Variants in RPS6KA2 observed in about 807,000 individuals in gnomAD.
The protein encoded by RPS6KA2 is ribosomal protein S6 kinase A2, also known as ribosomal protein S6 kinase alpha-2.
RPS6KA2 carries 42 observed loss-of-function variants against 91.8 expected under a neutral mutation model. That is an observed-to-expected ratio of 0.46 (90% confidence interval 0.36 to 0.59). RPS6KA2 has a LOEUF of 0.59. Ranked by LOEUF, RPS6KA2 falls within the 20% of genes least tolerant of loss-of-function variation. RPS6KA2 has a pLI of 0.00. For missense variants in RPS6KA2, 798 were observed against 978.5 expected (o/e 0.82, Z 2.46); for synonymous variants, 414 against 393.6 (o/e 1.05, Z -0.61).
At chr6:166,861,027 G>A (rs948569103) in intron 1 of RPS6KA2, among the ~76,000 whole-genome samples, 1 of 152,264 alleles carries the variant, frequency 6.6e-6, no homozygotes, top group East Asian at 1.9e-4. Flanking sequence ...TTCAATGTCC[G>A]TGCTATGCCC....
intron 14 of RPS6KA2, among the ~76,000 whole-genome samples, chr6:166,441,941 T>C (rs1779531171): frequency 6.6e-6 from 1 of 152,216 alleles, no homozygotes. Flanking sequence ...GCACTGTGCC[T>C]TTGGAGGTGA....
At position 166,659,768 on chromosome 6, in the gene RPS6KA2, C is replaced by T. The variant is rs1340883009; in HGVS notation, c.124-120984G>A. ...CGTCCTTTGCCCAGGCTGGCCCTGCCGCCGTACAGCTCTAGCACCGACTGC... is the reference window on the plus strand; with the variant it reads ...CGTCCTTTGCCCAGGCTGGCCCTGCTGCCGTACAGCTCTAGCACCGACTGC... On this transcript the variant is annotated intron_variant, in intron 2 of 21. Transcript: ENST00000503859. Among the ~76,000 whole-genome samples, 6 of 152,152 alleles carry T rather than the reference C, an allele frequency of 3.9e-5. No homozygotes were observed. In the East Asian group the frequency reaches 5.8e-4, roughly 15 times the overall value.
At chr6:166,629,577 C>A (rs1306338804), upstream of RPS6KA2, among the ~76,000 whole-genome samples, 1 of 152,192 alleles carries the variant, frequency 6.6e-6, no homozygotes, top group Non-Finnish European at 1.5e-5. Flanking sequence ...GTAATGAAAT[C>A]CTCCAAAACC....
intron 1 of RPS6KA2, among the ~76,000 whole-genome samples, chr6:166,621,420 A>C (rs1786630385): frequency 6.6e-6 from 1 of 152,228 alleles, no homozygotes; most frequent in African/African-American, 2.4e-5. Context: ...ACAGTATTTC[A>C]TATGGAATAT....
rs535209663 is a variant in RPS6KA2, at chr6:166,538,654, A to G, written c.216+14T>C. 2.8e-6 allele frequency: 4 copies of G among 1,413,854 alleles called. No homozygotes were observed. Among genetic ancestry groups the G allele is most frequent in the Non-Finnish European group, 4.0e-6 (4 of 998,320 alleles). The allele number at this position is 1,413,854 out of a possible 1,614,324, so 87.6% of individuals were successfully genotyped here. ...CAGGAATGAGACTCAAGAGACAGCC[A>G]GGGCTGAACTTACCTTTCCATAGGA... is the stretch of plus-strand genomic sequence containing the variant. On this transcript the variant is annotated intron_variant, in intron 2 of 20. Transcript: ENST00000265678.
chr6:166,417,108 G>A (rs1305319401), intron 19 of RPS6KA2, among the ~76,000 whole-genome samples: 9 of 152,182 alleles, frequency 5.9e-5, no homozygotes, highest in African/African-American at 1.4e-4. Context: ...GTAAAAAAGC[G>A]TCTGATGGGC....
chr6:166,780,511 G>GT (rs1280346900), intron 2 of RPS6KA2, among the ~76,000 whole-genome samples: 2 of 152,158 alleles, frequency 1.3e-5, no homozygotes, highest in African/African-American at 4.8e-5. Flanking sequence ...AACCTCTATT[G>GT]TTTAAGTCGC....
chr6:166,586,108 G>T (rs1277784787), intron 1 of RPS6KA2: 62 of 1,372,420 alleles, frequency 4.5e-5, no homozygotes, highest in Non-Finnish European at 5.9e-5. Flanking sequence ...ACTAAAAGCT[G>T]CCAACATTTC....
At chr6:166,764,748 C>T (rs1778263467) in intron 2 of RPS6KA2, among the ~76,000 whole-genome samples, 1 of 152,232 alleles carries the variant, frequency 6.6e-6, no homozygotes, top group Non-Finnish European at 1.5e-5. Flanking sequence ...GAAGACGCGC[C>T]ACAGGGACTG....
chr6:166,581,221 T>A (rs1784998437), intron 1 of RPS6KA2, among the ~76,000 whole-genome samples: 1 of 152,138 alleles, frequency 6.6e-6, no homozygotes, highest in Non-Finnish European at 1.5e-5. Flanking sequence ...TGCACATACA[T>A]ATTGTCTATG....
intron 3 of RPS6KA2, among the ~76,000 whole-genome samples, chr6:166,517,246 A>G (rs1242854384): frequency 6.6e-6 from 1 of 151,678 alleles, no homozygotes; most frequent in Non-Finnish European, 1.5e-5. Context: ...TGTAATCCCA[A>G]CATTTTGGGA....
intron 3 of RPS6KA2, among the ~76,000 whole-genome samples, chr6:166,516,038 A>G (rs1305440384): frequency 6.6e-6 from 1 of 152,198 alleles, no homozygotes; most frequent in East Asian, 1.9e-4. Flanking sequence ...TTGATGTCTT[A>G]TGTCTCCCTA....
At chr6:166,527,317 C>T (rs2128490369) in intron 3 of RPS6KA2, among the ~76,000 whole-genome samples, 1 of 152,310 alleles carries the variant, frequency 6.6e-6, no homozygotes, top group South Asian at 2.1e-4. Flanking sequence ...AAAAGGAGCT[C>T]TTCCGGGTCA....
intron 2 of RPS6KA2, among the ~76,000 whole-genome samples, chr6:166,661,869 A>G (rs780013384): frequency 6.6e-6 from 1 of 152,162 alleles, no homozygotes; most frequent in Non-Finnish European, 1.5e-5. Context: ...GTTTTCGAGT[A>G]CACTATGAAG....
intron 1 of RPS6KA2, among the ~76,000 whole-genome samples, chr6:166,559,647 C>T (rs374890605): frequency 5.9e-5 from 9 of 152,060 alleles, no homozygotes; most frequent in Non-Finnish European, 1.0e-4. Flanking sequence ...ATCCAGAATC[C>T]GAATTGAGTA....
rs1789992625 is a variant in RPS6KA2, at chr6:166,715,792, C to T, written c.123+142408G>A. Among the ~76,000 whole-genome samples the T allele has an allele frequency of 2.6e-5, 4 of 152,226 alleles. No individual in the cohort carries two copies. The South Asian group carries it at 8.3e-4, about 32-fold the overall frequency. ...GTGGCTCACGCCTGTAATCCCAGCA[C>T]TTTGGGAGGCCGAGGCAGGCGGATC... On this transcript the variant is annotated intron_variant, in intron 2 of 21. Transcript: ENST00000503859.
intron 2 of RPS6KA2, among the ~76,000 whole-genome samples, chr6:166,812,334 C>T (rs939839166): frequency 1.3e-5 from 2 of 152,118 alleles, no homozygotes; most frequent in African/African-American, 4.8e-5. Context: ...CTGGCCTGGG[C>T]GACAGAGTGA....
chr6:166,693,244 A>C (rs1055207355), intron 2 of RPS6KA2, among the ~76,000 whole-genome samples: 1 of 152,192 alleles, frequency 6.6e-6, no homozygotes, highest in Admixed American at 6.5e-5. Context: ...TTTGCCTCCT[A>C]TCACTGCCTG....
At chr6:166,715,586 G>A (rs529120399) in intron 2 of RPS6KA2, among the ~76,000 whole-genome samples, 17 of 152,350 alleles carry the variant, frequency 1.1e-4, no homozygotes, top group African/African-American at 1.2e-4. Flanking sequence ...TGAGAAAGGC[G>A]TCATTAGGTG....
Sources: allele counts gnomAD v4.1 joint callset (sites outside exome capture counted in the v4.1 genomes callset), GRCh38; gene constraint gnomAD v4.1.1; transcripts MANE v1.5; gene names NCBI Gene and HGNC (gene_info 2026-07-23, HGNC 2026-07-21).